TOX: variants seen among roughly 807,000 people sequenced by gnomAD.
The protein encoded by TOX is thymocyte selection-associated high mobility group box protein TOX.
Under a neutral mutation model 53.7 loss-of-function variants are expected in TOX, and 11 were observed. That is an observed-to-expected ratio of 0.20 (90% CI 0.13 to 0.34). The LOEUF (loss-of-function observed/expected upper bound fraction) is 0.34. TOX is among the 10% of genes least tolerant of loss of function. The pLI, the probability that TOX is intolerant of heterozygous loss-of-function variation, is 1.00. For synonymous variants in TOX, 225 were observed against 245.3 expected, an observed-to-expected ratio of 0.92 and a Z score of 0.77; for missense variants, 570 against 664.6, an observed-to-expected ratio of 0.86 and a Z score of 1.56.
chr8:58,966,689 C>CAATAAT (rs374008477), intron 1 of TOX, among the ~76,000 whole-genome samples: 1 of 151,834 alleles, frequency 6.6e-6, no homozygotes, highest in Non-Finnish European at 1.5e-5. Context: ...CTGAAATTTT[C>CAATAAT]AATAATAATA....
intron 3 of TOX, among the ~76,000 whole-genome samples, chr8:58,864,791 G>A (rs1166930755): frequency 6.6e-6 from 1 of 152,160 alleles, no homozygotes; most frequent in Non-Finnish European, 1.5e-5. Flanking sequence ...GGCCCAGACG[G>A]GGATCATGGC....
At chr8:58,941,049 TA>T (rs920615510) in intron 2 of TOX, among the ~76,000 whole-genome samples, 32 of 152,268 alleles carry the variant, frequency 2.1e-4, no homozygotes, top group Non-Finnish European at 4.0e-4. Context: ...AAAGTTCTGC[TA>T]AAAAAATCAC....
intron 5 of TOX, among the ~76,000 whole-genome samples, chr8:58,831,232 G>T (rs1249827240): frequency 6.6e-6 from 1 of 152,090 alleles, no homozygotes; most frequent in Non-Finnish European, 1.5e-5. Flanking sequence ...TGAAAAAATG[G>T]CTACAAAATA....
intron 4 of TOX, among the ~76,000 whole-genome samples, chr8:58,843,177 A>T (rs1810673324): frequency 6.6e-6 from 1 of 152,214 alleles, no homozygotes; most frequent in Non-Finnish European, 1.5e-5. Flanking sequence ...CTTTCAGTCA[A>T]CATCACACTA....
At position 59,118,095 on chromosome 8, in the gene TOX, G is replaced by A. The variant is rs1270164357; in HGVS notation, c.102+791C>T. 1.3e-5 allele frequency among the ~76,000 whole-genome samples: 2 copies of A among 152,148 alleles called. No homozygotes were observed. Among genetic ancestry groups the A allele is most frequent in the Non-Finnish European group, 2.9e-5 (2 of 68,010 alleles). ...TCACCGGCATGATCCGCCTCTCCCC[G>A]GGCCCCCGCGGCCCTGGCACCCGAG... On this transcript the variant is annotated intron_variant, in intron 1 of 8. Transcript: ENST00000361421. This position sits in a 1 kb window ranked among gnomAD's most constrained non-coding sequence, Gnocchi z 4.1.
intron 3 of TOX, among the ~76,000 whole-genome samples, chr8:58,865,130 C>T (rs900559413): frequency 6.6e-6 from 1 of 152,078 alleles, no homozygotes; most frequent in African/African-American, 2.4e-5. Context: ...GAGATGTTGA[C>T]CTTAAAGACC....
intron 4 of TOX, among the ~76,000 whole-genome samples, chr8:58,845,838 GGTT>G (rs1461470156): frequency 1.3e-5 from 2 of 151,936 alleles, no homozygotes; most frequent in Non-Finnish European, 2.9e-5. Context: ...AAAAAAGGTT[GGTT>G]GTTATTTTAT....
At chr8:59,055,639 T>C (rs1248537055) in intron 1 of TOX, among the ~76,000 whole-genome samples, 1 of 152,172 alleles carries the variant, frequency 6.6e-6, no homozygotes, top group African/African-American at 2.4e-5. Flanking sequence ...AAGTGTTTGA[T>C]CCCTGCCTCA....
chr8:58,953,365 G>T (rs1812656621), intron 2 of TOX, among the ~76,000 whole-genome samples: 1 of 152,160 alleles, frequency 6.6e-6, no homozygotes, highest in African/African-American at 2.4e-5. Context: ...AGACTTCCAT[G>T]TAAGAAGCCA....
At chr8:58,881,600 TG>T (rs746289241) in intron 3 of TOX, among the ~76,000 whole-genome samples, 2 of 151,752 alleles carry the variant, frequency 1.3e-5, no homozygotes, top group Non-Finnish European at 2.9e-5. Flanking sequence ...GGCACGTGCC[TG>T]TAGTCCCAGC....
At chr8:58,960,031 C>T in intron 1 of TOX, 23 bp from the exon 2 acceptor site, 1 of 1,613,432 alleles carries the variant, frequency 6.2e-7, no homozygotes, top group South Asian at 1.1e-5. Context: ...TAATAGTAAA[C>T]ATTCAGCAAT....
intron 1 of TOX, among the ~76,000 whole-genome samples, chr8:59,029,645 T>A (rs192177426): frequency 9.8e-5 from 15 of 152,316 alleles, no homozygotes; most frequent in Admixed American, 6.5e-4. Context: ...TAACATTTTT[T>A]AAAATGTGGT....
chr8:58,852,209 A>G (rs1477298362), intron 3 of TOX, among the ~76,000 whole-genome samples: 1 of 152,202 alleles, frequency 6.6e-6, no homozygotes, highest in Non-Finnish European at 1.5e-5. Flanking sequence ...TTATTCAATT[A>G]TTAGTGATTA....
At position 58,851,592 on chromosome 8, in the gene TOX, C is replaced by T. The variant is rs756955390; in HGVS notation, c.625G>A (p.Gly209Arg). The T allele has an allele frequency of 2.5e-6, 4 of 1,613,584 alleles. No individual in the cohort carries two copies. Among genetic ancestry groups the T allele is most frequent in the Admixed American group, 1.7e-5 (1 of 59,938 alleles). ...GGTGAAGGAGTTGCAGACTTGCTTC[C>T]AGGTGGAGATGGTGAGTTGTGGGGA... The part of the protein sequence containing the change: ...NVPHNSPSPP[G>R]SKSATPSPSS... Residue 209 changes from glycine (G) to arginine (R), a missense_variant, in exon 4 of 9, where the codon GGA (glycine) becomes AGA (arginine). Physicochemically the swap from Gly to Arg is moderately radical, Grantham distance 125. Transcript: ENST00000361421. This position sits in a 1 kb window ranked among gnomAD's most constrained non-coding sequence, Gnocchi z 4.4.
chr8:58,949,811 G>A (rs934306307), intron 2 of TOX, among the ~76,000 whole-genome samples: 30 of 150,920 alleles, frequency 2.0e-4, no homozygotes, highest in Admixed American at 9.9e-4. Flanking sequence ...TCAGTGTTGG[G>A]CTCTTTCTAT....
At chr8:59,108,953 C>T (rs767370812) in intron 1 of TOX, among the ~76,000 whole-genome samples, 22 of 152,084 alleles carry the variant, frequency 1.4e-4, no homozygotes, top group Non-Finnish European at 2.8e-4. Flanking sequence ...TGAATATGTT[C>T]TTTGTGTGCA....
intron 1 of TOX, among the ~76,000 whole-genome samples, chr8:59,031,918 T>C (rs1306519444): frequency 1.3e-5 from 2 of 152,120 alleles, no homozygotes; most frequent in Non-Finnish European, 2.9e-5. Context: ...AATTGGATTT[T>C]CCCCCTCAGT....
At chr8:58,924,571 C>A (rs1464507662) in intron 3 of TOX, among the ~76,000 whole-genome samples, 1 of 152,236 alleles carries the variant, frequency 6.6e-6, no homozygotes, top group African/African-American at 2.4e-5. Flanking sequence ...AGGCATGATT[C>A]TTCCTTCCCC....
At chr8:58,972,246 G>T (rs1025800796) in intron 1 of TOX, among the ~76,000 whole-genome samples, 1 of 152,026 alleles carries the variant, frequency 6.6e-6, no homozygotes, top group African/African-American at 2.4e-5. Context: ...TTTGGCTAAC[G>T]TTAAAGTTAT....
Sources: gnomAD v4.1 joint callset for allele counts (sites outside exome capture counted in the v4.1 genomes callset) on GRCh38, gnomAD v4.1.1 for gene constraint, Gnocchi (gnomAD v3.1) non-coding constraint, MANE v1.5 for transcripts, NCBI Gene and HGNC (gene_info 2026-07-23, HGNC 2026-07-21) for gene names.